The following UNC13B variants were observed in gnomAD, a reference collection of about 807,000 sequenced individuals.
The protein encoded by UNC13B is unc-13 homolog B.
In UNC13B, 144 loss-of-function variants were observed where a neutral mutation model predicts 211.0. That is an observed-to-expected ratio of 0.68 (90% CI 0.60 to 0.78). The LOEUF is 0.78. Among genes scored for constraint, UNC13B ranks in the 30% least tolerant of loss-of-function variants. The probability of loss-of-function intolerance (pLI) is 0.00; values close to 1 mark genes in which losing one functional copy is unlikely to be tolerated. For missense variants in UNC13B, 1,777 were observed against 2,002.0 expected (o/e 0.89, Z 2.14); for synonymous variants, 709 against 725.8 (o/e 0.98, Z 0.37).
intron 7 of UNC13B, among the ~76,000 whole-genome samples, chr9:35,291,670 C>T (rs1377260022): frequency 1.3e-5 from 2 of 152,180 alleles, no homozygotes; most frequent in East Asian, 1.9e-4. Flanking sequence ...CCAGCTAAGG[C>T]CACCTTTGTT....
chr9:35,397,412 A>G (rs1203763024), intron 29 of UNC13B, 102 bp downstream of exon 29: 30 of 1,530,460 alleles, frequency 2.0e-5, no homozygotes, highest in Non-Finnish European at 2.6e-5. Flanking sequence ...CTCCTGGTAA[A>G]GCTCGTGTGA....
intron 15 of UNC13B, among the ~76,000 whole-genome samples, chr9:35,376,474 C>T (rs1414459100): frequency 1.3e-5 from 2 of 152,202 alleles, no homozygotes; most frequent in East Asian, 3.8e-4. Context: ...ATTCTTTGAG[C>T]TTTCTGTGGT....
intron 19 of UNC13B, 60 bp downstream of exon 19, chr9:35,381,275 A>G: frequency 1.4e-6 from 2 of 1,431,318 alleles, no homozygotes; most frequent in Non-Finnish European, 1.9e-6. Context: ...GCCTTTGGCC[A>G]TAAGTAGGAT....
At chr9:35,283,452 A>C (rs1216343556) in intron 7 of UNC13B, among the ~76,000 whole-genome samples, 1 of 152,104 alleles carries the variant, frequency 6.6e-6, no homozygotes, top group African/African-American at 2.4e-5. Flanking sequence ...ACTTATTTTC[A>C]CATTTAGCCT....
At chr9:35,347,923 G>T (rs926606718) in intron 11 of UNC13B, among the ~76,000 whole-genome samples, 2 of 152,072 alleles carry the variant, frequency 1.3e-5, no homozygotes, top group African/African-American at 4.8e-5. Flanking sequence ...ACCTTGTAAG[G>T]TGTCCGGGAA....
chr9:35,351,866 T>G lies in UNC13B; in HGVS notation c.9415-15081T>G, dbSNP rs1029106847. ...CATTACCACAAGCTGTCAGGAGCCC[T>G]CAGAGAGGAACCAAACCAAGACCCT... On this transcript the variant is annotated intron_variant, in intron 11 of 39. Transcript: ENST00000635942. 8.1e-6 allele frequency: 10 copies of G among 1,232,100 alleles called. No homozygotes were observed. The African/African-American group carries it at 1.4e-4, about 17-fold the overall frequency. The allele number at this position is 1,232,100 out of a possible 1,614,324, so 76.3% of individuals were successfully genotyped here.
chr9:35,288,448 C>G (rs1040044613), intron 7 of UNC13B, among the ~76,000 whole-genome samples: 2 of 152,220 alleles, frequency 1.3e-5, no homozygotes, highest in Non-Finnish European at 2.9e-5. Context: ...ACTGAACATG[C>G]CTTTGCATGC....
intron 7 of UNC13B, among the ~76,000 whole-genome samples, chr9:35,270,711 C>G (rs575836757): frequency 2.2e-4 from 33 of 152,222 alleles, no homozygotes; most frequent in African/African-American, 7.5e-4. Context: ...CCAGTTTTCC[C>G]CCAAACTTTC....
intron 6 of UNC13B, among the ~76,000 whole-genome samples, chr9:35,255,729 A>C (rs1358625333): frequency 6.6e-6 from 1 of 152,072 alleles, no homozygotes; most frequent in Non-Finnish European, 1.5e-5. Context: ...CACGGATCTT[A>C]GGTTTTATAA....
At chr9:35,240,136 A>G (rs912982690) in intron 5 of UNC13B, among the ~76,000 whole-genome samples, 2 of 152,166 alleles carry the variant, frequency 1.3e-5, no homozygotes, top group African/African-American at 2.4e-5. Context: ...AGAAATTATA[A>G]AAGTATTAAT....
chr9:35,186,994 T>G (rs1470497444), intron 1 of UNC13B, among the ~76,000 whole-genome samples: 1 of 152,188 alleles, frequency 6.6e-6, no homozygotes, highest in Non-Finnish European at 1.5e-5. Context: ...CATGCTTCCT[T>G]TTCGTTGGGA....
chr9:35,315,547 T>A (rs1403029367), intron 11 of UNC13B, among the ~76,000 whole-genome samples: 1 of 152,192 alleles, frequency 6.6e-6, no homozygotes, highest in Non-Finnish European at 1.5e-5. Flanking sequence ...GACATGATAT[T>A]CTGTCATTCC....
chr9:35,360,556 C>T (rs1451131540), intron 11 of UNC13B: 2 of 152,332 alleles, frequency 1.3e-5, no homozygotes, highest in East Asian at 3.9e-4. Flanking sequence ...AAAAGCTTTT[C>T]AGGATCAGGG....
chr9:35,209,778 C>T (rs1260447739), intron 1 of UNC13B, among the ~76,000 whole-genome samples: 2 of 152,202 alleles, frequency 1.3e-5, no homozygotes, highest in East Asian at 3.8e-4. Context: ...CATCATTCTT[C>T]ATTCTATTTC....
chr9:35,283,112 A>G (rs914677071), intron 7 of UNC13B, among the ~76,000 whole-genome samples: 2 of 152,164 alleles, frequency 1.3e-5, no homozygotes, highest in Non-Finnish European at 2.9e-5. Context: ...TTTTGTAAAC[A>G]TGTTCAAATG....
intron 11 of UNC13B, among the ~76,000 whole-genome samples, chr9:35,319,397 T>C (rs1830620223): frequency 1.4e-5 from 1 of 72,914 alleles, no homozygotes. Context: ...AGTGAGACCC[T>C]ATCTCAAAAA....
chr9:35,270,463 T>C (rs939539715), intron 7 of UNC13B, among the ~76,000 whole-genome samples: 3 of 152,182 alleles, frequency 2.0e-5, no homozygotes, highest in African/African-American at 7.2e-5. Flanking sequence ...AGAACCTCTG[T>C]TCCCAAGAAC....
In UNC13B at chr9:35,236,494, C is replaced by A; in HGVS notation, c.178C>A (p.Leu60Ile). Residue 60 changes from leucine to isoleucine, a missense_variant, in exon 4 of 40, where the codon CTA becomes ATA. Leu to Ile is a conservative substitution (Grantham distance 5). Transcript: ENST00000635942. ...TGAGATTAGTCGCCTGGACCTGGGT[C>A]TAAGTGTGGAGGTATGGAACAAAGG... ...MFEISRLDLG[L>I]SVEVWNKGLI... 6.2e-7 allele frequency: 1 copy of A among 1,614,008 alleles called. No homozygotes were observed. The highest frequency in any genetic ancestry group is 8.5e-7 in the Non-Finnish European group (1 of 1,179,938).
chr9:35,326,498 A>G (rs1036743047), intron 11 of UNC13B, among the ~76,000 whole-genome samples: 1 of 152,132 alleles, frequency 6.6e-6, no homozygotes, highest in African/African-American at 2.4e-5. Flanking sequence ...CAGTCCTTCT[A>G]CCTCAGCTTC....
Sources: gnomAD v4.1 joint callset for allele counts (sites outside exome capture counted in the v4.1 genomes callset) on GRCh38, gnomAD v4.1.1 for gene constraint, MANE v1.5 for transcripts, NCBI Gene and HGNC (gene_info 2026-07-23, HGNC 2026-07-21) for gene names.